Variants in LINGO2 observed in about 807,000 individuals in gnomAD.
The protein encoded by LINGO2 is leucine-rich repeat and immunoglobulin-like domain-containing nogo receptor-interacting protein 2.
In LINGO2, 14 loss-of-function variants were observed where a neutral mutation model predicts 30.6. The ratio of observed to expected loss-of-function variants is 0.46; its 90% CI spans 0.30 to 0.72. LINGO2 has a LOEUF of 0.72. LINGO2 is among the 30% of genes least tolerant of loss of function. The probability of loss-of-function intolerance (pLI) is 0.07; values close to 1 mark genes in which losing one functional copy is unlikely to be tolerated. For synonymous variants in LINGO2, 317 were observed against 288.5 expected (o/e 1.10, Z -1.00); for missense variants, 729 against 751.7 (o/e 0.97, Z 0.35).
At chr9:28,802,164 G>C in the LINGO2 span, among the ~76,000 whole-genome samples, 1 of 151,868 alleles carries the variant, frequency 6.6e-6, no homozygotes, top group African/African-American at 2.4e-5. Context: ...AAATTCAAAA[G>C]TTGTATGTAT....
At chr9:28,976,887 C>G in the LINGO2 span, among the ~76,000 whole-genome samples, 1 of 151,996 alleles carries the variant, frequency 6.6e-6, no homozygotes, top group Non-Finnish European at 1.5e-5. Flanking sequence ...ATAAAAATAT[C>G]TGGTAGACTC....
intron 4 of LINGO2, among the ~76,000 whole-genome samples, chr9:28,054,632 A>C (rs952844160): frequency 1.3e-5 from 2 of 152,156 alleles, no homozygotes; most frequent in Non-Finnish European, 2.9e-5. Flanking sequence ...GTGAACAAAA[A>C]CAGAGCAGGC....
chr9:28,444,863 G>A (rs901391639), intron 2 of LINGO2, among the ~76,000 whole-genome samples: 1 of 152,188 alleles, frequency 6.6e-6, no homozygotes, highest in Non-Finnish European at 1.5e-5. Context: ...GCCTTAGCAG[G>A]TGTGGGATCC....
chr9:28,649,891 AC>A (rs1828013525), intron 1 of LINGO2, among the ~76,000 whole-genome samples: 1 of 152,158 alleles, frequency 6.6e-6, no homozygotes, highest in Non-Finnish European at 1.5e-5. Flanking sequence ...CCCTGATTCA[AC>A]CCTCAGAAGG....
intron 1 of LINGO2, among the ~76,000 whole-genome samples, chr9:28,494,296 C>A (rs995569028): frequency 1.3e-5 from 2 of 151,942 alleles, no homozygotes; most frequent in Non-Finnish European, 2.9e-5. Context: ...TATACATGTG[C>A]CACATTGGTG....
At chr9:28,273,306 T>A (rs1385488050) in intron 4 of LINGO2, among the ~76,000 whole-genome samples, 3 of 152,220 alleles carry the variant, frequency 2.0e-5, no homozygotes, top group Non-Finnish European at 4.4e-5. Context: ...ACTGGTTTTA[T>A]GGCTGTAGTA....
intron 2 of LINGO2, among the ~76,000 whole-genome samples, chr9:28,425,743 G>T (rs1285176034): frequency 6.6e-6 from 1 of 151,988 alleles, no homozygotes; most frequent in Non-Finnish European, 1.5e-5. Flanking sequence ...CCAAAATGTA[G>T]TGTCTTCATA....
intron 5 of LINGO2, among the ~76,000 whole-genome samples, chr9:27,978,041 G>A (rs1297905841): frequency 6.6e-6 from 1 of 151,950 alleles, no homozygotes; most frequent in African/African-American, 2.4e-5. Flanking sequence ...CTTGCTGAAT[G>A]ATGTCACTGG....
chr9:28,632,173 T>C (rs761788015), intron 1 of LINGO2, among the ~76,000 whole-genome samples: 2 of 152,062 alleles, frequency 1.3e-5, no homozygotes, highest in Non-Finnish European at 2.9e-5. Context: ...GTTCAATGCA[T>C]AGTTGATATT....
chr9:28,728,332 A>C, the LINGO2 span, among the ~76,000 whole-genome samples: 2 of 152,156 alleles, frequency 1.3e-5, no homozygotes. Flanking sequence ...TAAATCCAAA[A>C]TTTAAATTTT....
chr9:29,062,350 G>A, the LINGO2 span, among the ~76,000 whole-genome samples: 9 of 152,192 alleles, frequency 5.9e-5, no homozygotes, highest in African/African-American at 1.9e-4. Context: ...ATACCTGAAA[G>A]AATTAAAAGC....
chr9:28,924,860 G>A, the LINGO2 span, among the ~76,000 whole-genome samples: 4 of 152,142 alleles, frequency 2.6e-5, 1 homozygote, highest in Admixed American at 2.6e-4. Flanking sequence ...TAATGACCTT[G>A]TCTCTTTTTA....
the LINGO2 span, among the ~76,000 whole-genome samples, chr9:28,694,731 T>G: frequency 1.2e-3 from 175 of 152,112 alleles, 5 homozygotes; most frequent in East Asian, 0.031. Context: ...GTAAAGGCCA[T>G]GCTGTTAATT....
chr9:28,666,167 C>G (rs552056248), intron 1 of LINGO2, among the ~76,000 whole-genome samples: 2 of 152,226 alleles, frequency 1.3e-5, no homozygotes, highest in East Asian at 3.9e-4. Context: ...GTTGGGATTA[C>G]AGGTGTGAGT....
At chr9:28,227,004 A>G (rs1266333592) in intron 4 of LINGO2, among the ~76,000 whole-genome samples, 1 of 152,130 alleles carries the variant, frequency 6.6e-6, no homozygotes, top group Non-Finnish European at 1.5e-5. Context: ...TGCAGATCTA[A>G]TCTCAGTATC....
intron 1 of LINGO2, among the ~76,000 whole-genome samples, chr9:28,553,434 G>C (rs1342126623): frequency 1.3e-5 from 2 of 151,892 alleles, no homozygotes; most frequent in African/African-American, 2.4e-5. Flanking sequence ...GAAGTGAGAA[G>C]GGAAGTTTAG....
chr9:29,204,983 C>T, the LINGO2 span, among the ~76,000 whole-genome samples: 1 of 152,208 alleles, frequency 6.6e-6, no homozygotes, highest in Non-Finnish European at 1.5e-5. Flanking sequence ...CTATTCCTAA[C>T]TTGCTAACAG....
At chr9:29,021,612 G>C in the LINGO2 span, among the ~76,000 whole-genome samples, 27 of 151,112 alleles carry the variant, frequency 1.8e-4, no homozygotes, top group African/African-American at 6.6e-4. Flanking sequence ...AGCGGAAATC[G>C]CTCCACTGCA....
intron 4 of LINGO2, among the ~76,000 whole-genome samples, chr9:28,172,030 A>AAC (rs1554682043): frequency 7.3e-4 from 55 of 75,126 alleles, no homozygotes; most frequent in African/African-American, 3.2e-3. Context: ...AAAAAAAAAA[A>AAC]AAACAAAAAA....
Sources: gnomAD v4.1 joint callset for allele counts (sites outside exome capture counted in the v4.1 genomes callset) on GRCh38, gnomAD v4.1.1 for gene constraint, MANE v1.5 for transcripts, NCBI Gene and HGNC (gene_info 2026-07-23, HGNC 2026-07-21) for gene names.